Variants in TMEM74B observed in about 807,000 individuals in gnomAD.
TMEM74B encodes transmembrane protein C20orf46.
A neutral mutation model predicts 6.5 loss-of-function variants in TMEM74B; 7 were observed. The ratio of observed to expected loss-of-function variants is 1.07; its 90% CI spans 0.61 to 2.01. TMEM74B has a LOEUF of 2.01. Ranked by LOEUF, TMEM74B falls within the 30% of genes most tolerant of loss-of-function variation. The pLI is 0.00. For missense variants in TMEM74B, 342 were observed against 337.0 expected, an observed-to-expected ratio of 1.01 and a Z score of -0.12; for synonymous variants, 151 against 151.6, an observed-to-expected ratio of 1.00 and a Z score of 0.03.
At chr20:1,188,528 A>G (rs2087045501), upstream of TMEM74B, among the ~76,000 whole-genome samples, 1 of 150,390 alleles carries the variant, frequency 6.6e-6, no homozygotes, top group Non-Finnish European at 1.5e-5. Flanking sequence ...CACTCTACAC[A>G]CACACTACAC....
rs186642678 is a variant in TMEM74B, at chr20:1,180,945, A to G, written c.674T>C (p.Leu225Pro). 6.2e-7 allele frequency: 1 copy of G among 1,614,018 alleles called. No homozygotes were observed. Among genetic ancestry groups the G allele is most frequent in the Non-Finnish European group, 8.5e-7 (1 of 1,179,976 alleles). ...GSRKTYGSIN[L>P]RMRQLNGDGG... ...ATCCCCATTGAGCTGTCTCATGCGC[A>G]GGTTAATGGAGCCGTAGGTCTTCCT... is the stretch of plus-strand genomic sequence containing the variant. The change falls in exon 3 of 3, where the codon CTG becomes CCG. Residue 225 changes from leucine to proline, a missense_variant. Physicochemically the swap from Leu to Pro is moderately conservative, Grantham distance 98 (BLOSUM62 -3). Transcript: ENST00000429036. This position sits in a 1 kb window ranked among gnomAD's most constrained non-coding sequence, Gnocchi z 6.1.
chr20:1,181,040 C>G lies in TMEM74B; in HGVS notation c.579G>C (p.Val193=), dbSNP rs1379647061. 1.2e-6 allele frequency: 2 copies of G among 1,613,524 alleles called. No homozygotes were observed. Among genetic ancestry groups the G allele is most frequent in the South Asian group, 2.2e-5 (2 of 91,020 alleles). ...LLTVGGMLLS[V]LLMVSLCKGE... ...CCTTGCACAGGGAGACCATGAGCAGCACCGACAAGAGCATGCCGCCCACCG... is the reference window on the plus strand; with the variant it reads ...CCTTGCACAGGGAGACCATGAGCAGGACCGACAAGAGCATGCCGCCCACCG... The change falls in exon 3 of 3, where the codon GTG becomes GTC. Residue 193 remains valine, a synonymous_variant. Transcript: ENST00000429036. The surrounding 1 kb of genome is among the most constrained non-coding windows in gnomAD (Gnocchi z 4.9).
At chr20:1,185,651 G>C (rs536724555), upstream of TMEM74B, among the ~76,000 whole-genome samples, 2 of 151,964 alleles carry the variant, frequency 1.3e-5, no homozygotes, top group South Asian at 4.1e-4. Flanking sequence ...CTGGATCGCC[G>C]GCGCCTGGGC....
In TMEM74B at chr20:1,181,485, C is replaced by G. The variant is rs267605836; in HGVS notation, c.134G>C (p.Arg45Thr). The G allele has an allele frequency of 4.0e-6, 6 of 1,509,436 alleles. No homozygotes were observed. The East Asian group carries it at 1.4e-4, about 35-fold the overall frequency. 93.5% of individuals were successfully genotyped at this position (1,509,436 alleles called of 1,614,324 possible). A position where few individuals can be genotyped will look rare whatever the true frequency, so the allele number is the denominator to read the frequency against. The change falls in exon 3 of 3, where the codon AGA (arginine) becomes ACA (threonine). Residue 45 changes from arginine (R) to threonine (T), a missense_variant. By Grantham distance (71) the Arg-to-Thr change is moderately conservative. Coordinates refer to ENST00000429036, the MANE Select transcript of TMEM74B (RefSeq NM_001304748.2). This position sits in a 1 kb window ranked among gnomAD's most constrained non-coding sequence, Gnocchi z 4.9. ...GGCCACTGGGCCCAGGGGAGCTGATCTCCTTGGGGCTTGGGGACCATTGCT... is the reference window on the plus strand; with the variant it reads ...GGCCACTGGGCCCAGGGGAGCTGATGTCCTTGGGGCTTGGGGACCATTGCT... ...TLSNGPQAPRRSAPLGPVAPT... is the reference protein window; with the variant it reads ...TLSNGPQAPRTSAPLGPVAPT...
In TMEM74B at chr20:1,184,465, T is replaced by A. The variant is rs2086961785; in HGVS notation, c.-311A>T. 1 of 152,292 alleles carries A rather than the reference T, an allele frequency of 6.6e-6. No individual in the cohort carries two copies. Among genetic ancestry groups the A allele is most frequent in the Admixed American group, 6.6e-5 (1 of 15,252 alleles). 9.4% of individuals were successfully genotyped at this position (152,292 alleles called of 1,614,324 possible). A position where few individuals can be genotyped will look rare whatever the true frequency, so the allele number is the denominator to read the frequency against. ...ACGACCCCACCAGTTACTAATTTCA[T>A]CTGCAGTCAGACAGGTCCTGAAAGG... is the stretch of plus-strand genomic sequence containing the variant. On this transcript the variant is annotated 5_prime_UTR_variant, in exon 1 of 3. The change abolishes an upstream ATG in the 5' untranslated region. Coordinates refer to ENST00000429036, the MANE Select transcript of TMEM74B (RefSeq NM_001304748.2). This position sits in a 1 kb window ranked among gnomAD's most constrained non-coding sequence, Gnocchi z 6.0.
At chr20:1,183,688 G>A (rs1952445991) in intron 2 of TMEM74B, 83 bp downstream of exon 2, 6 of 1,517,320 alleles carry the variant, frequency 4.0e-6, no homozygotes, top group Non-Finnish European at 5.5e-6. Context: ...CATAAAACAT[G>A]GCCAAGATCC....
chr20:1,187,611 A>G (rs535406877), upstream of TMEM74B, among the ~76,000 whole-genome samples: 1 of 152,346 alleles, frequency 6.6e-6, no homozygotes, highest in Non-Finnish European at 1.5e-5. Context: ...CTTCCTGTAA[A>G]AGTGTGGACT....
chr20:1,189,202 C>G (rs2087050369), upstream of TMEM74B: 1 of 152,162 alleles, frequency 6.6e-6, no homozygotes, highest in African/African-American at 2.4e-5. This position sits in a 1 kb window ranked among gnomAD's most constrained non-coding sequence, Gnocchi z 4.5. Context: ...AAACATCAGA[C>G]AAATCCCAAT....
Position 1,180,891 on chromosome 20 carries a change from ACTT to A in TMEM74B, c.725_727del (p.Glu242del), listed in dbSNP as rs1354509691. ...GTGGCTAGTCTCTGAGACCTGGACA[ACTT>A]CATTCTCCACCAGGGCCTGGCCCCC... is the stretch of plus-strand genomic sequence containing the variant. On this transcript the variant is annotated inframe_deletion, in exon 3 of 3. Transcript: ENST00000429036. The surrounding 1 kb of genome is among the most constrained non-coding windows in gnomAD (Gnocchi z 6.1). 6.2e-7 allele frequency: 1 copy of A among 1,610,224 alleles called. No individual in the cohort carries two copies. The highest frequency in any genetic ancestry group is 8.5e-7 in the Non-Finnish European group (1 of 1,177,712).
Position 1,180,585 on chromosome 20 carries a change from T to A in TMEM74B, c.*263A>T, listed in dbSNP as rs1026375333. On this transcript the variant is annotated 3_prime_UTR_variant, in exon 3 of 3. Coordinates refer to ENST00000429036, the MANE Select transcript of TMEM74B (RefSeq NM_001304748.2). This position sits in a 1 kb window ranked among gnomAD's most constrained non-coding sequence, Gnocchi z 6.1. ...CTCCAAGAGCAGCGGTTTCCAAACT[T>A]TTGTATTTTTAGCAGCAGAAGCCAT... 1.3e-5 allele frequency: 5 copies of A among 383,896 alleles called. No individual in the cohort carries two copies. Among genetic ancestry groups the A allele is most frequent in the African/African-American group, 4.1e-5 (2 of 48,204 alleles). 23.8% of individuals were successfully genotyped at this position (383,896 alleles called of 1,614,324 possible). A position where few individuals can be genotyped will look rare whatever the true frequency, so the allele number is the denominator to read the frequency against.
chr20:1,181,177 G>C lies in TMEM74B; in HGVS notation c.442C>G (p.Arg148Gly), dbSNP rs146222873. ...GCTGTCACTGTGTCCGGATTGACTC[G>C]AGCCTCACGGGGGATGGCGTATGCT... is the stretch of plus-strand genomic sequence containing the variant. Reference protein sequence around the residue: ...VTAYAIPREARVNPDTVTARE... With the variant: ...VTAYAIPREAGVNPDTVTARE... The change falls in exon 3 of 3, where the codon CGA becomes GGA. Residue 148 changes from arginine (R) to glycine (G), a missense_variant. Arg to Gly is a moderately radical substitution (Grantham distance 125). Coordinates refer to ENST00000429036, the MANE Select transcript of TMEM74B (RefSeq NM_001304748.2). The surrounding 1 kb of genome is among the most constrained non-coding windows in gnomAD (Gnocchi z 4.9). 2 of 1,614,120 alleles carry C rather than the reference G, an allele frequency of 1.2e-6. No individual in the cohort carries two copies. Among genetic ancestry groups the C allele is most frequent in the African/African-American group, 1.3e-5 (1 of 75,008 alleles).
intron 2 of TMEM74B, among the ~76,000 whole-genome samples, chr20:1,182,276 CAGA>C (rs2086892442): frequency 6.6e-6 from 1 of 151,928 alleles, no homozygotes; most frequent in Non-Finnish European, 1.5e-5. Context: ...AGCCAGATCT[CAGA>C]AGATGAATTG....
chr20:1,181,436 A>G lies in TMEM74B; in HGVS notation c.183T>C (p.Asn61=), dbSNP rs1321650755. 16 of 1,518,108 alleles carry G rather than the reference A, an allele frequency of 1.1e-5. No individual in the cohort carries two copies. In the East Asian group the frequency reaches 3.6e-4, roughly 35 times the overall value. 94.0% of individuals were successfully genotyped at this position (1,518,108 alleles called of 1,614,324 possible). A position where few individuals can be genotyped will look rare whatever the true frequency, so the allele number is the denominator to read the frequency against. ...CATGCTCCTCTGAGGAGAAGCAGGC[A>G]TTCTCCACACCCTCCCTGGTTGGGG... The part of the protein sequence containing the change: ...PVAPTREGVE[N]ACFSSEEHET... The change falls in exon 3 of 3, where the codon AAT becomes AAC. Residue 61 remains asparagine (N), a synonymous_variant. Transcript: ENST00000429036. The surrounding 1 kb of genome is among the most constrained non-coding windows in gnomAD (Gnocchi z 4.9).
chr20:1,188,548 A>ACATACCACATGCACCACACACACCACACG (rs2087045763), upstream of TMEM74B, among the ~76,000 whole-genome samples: 1 of 150,618 alleles, frequency 6.6e-6, no homozygotes. Context: ...CACACCACAC[A>ACATACCACATGCACCACACACACCACACG]CATACCACAT....
chr20:1,181,559 C>A lies in TMEM74B; in HGVS notation c.60G>T (p.Gly20=). 2 of 1,471,072 alleles carry A rather than the reference C, an allele frequency of 1.4e-6. No individual in the cohort carries two copies. The highest frequency in any genetic ancestry group is 2.5e-5 in the East Asian group (1 of 40,598). 91.1% of individuals were successfully genotyped at this position (1,471,072 alleles called of 1,614,324 possible). A position where few individuals can be genotyped will look rare whatever the true frequency, so the allele number is the denominator to read the frequency against. ...GGGGAGATGCCATTGGGAAGGAGGG[C>A]CCCAGCTCATCCCTTGGCCCCTTGG... is the stretch of plus-strand genomic sequence containing the variant. ...AAAKGPRDEL[G]PSFPMASPPG... Residue 20 remains glycine (G), a synonymous_variant, in exon 3 of 3, where the codon GGG becomes GGT. Transcript: ENST00000429036. This position sits in a 1 kb window ranked among gnomAD's most constrained non-coding sequence, Gnocchi z 4.9.
chr20:1,184,050 C>T lies in TMEM74B; in HGVS notation c.-147-102G>A, dbSNP rs1287949752. ...TGAGTGCCCAGCCACAAACAGGGAC[C>T]AGCAGTGGGTGCCACATGGGTGCTC... On this transcript the variant is annotated intron_variant, in intron 1 of 2. Transcript: ENST00000429036. This position sits in a 1 kb window ranked among gnomAD's most constrained non-coding sequence, Gnocchi z 6.0. 4.1e-6 allele frequency: 2 copies of T among 490,646 alleles called. No homozygotes were observed. The highest frequency in any genetic ancestry group is 7.4e-6 in the Non-Finnish European group (2 of 272,052). 30.4% of individuals were successfully genotyped at this position (490,646 alleles called of 1,614,324 possible).
In TMEM74B at chr20:1,184,286, T is replaced by C. The variant is rs6033035; in HGVS notation, c.-148+16A>G. 0.038 allele frequency: 5,773 copies of C among 153,764 alleles called. 335 individuals are homozygous for C. Among genetic ancestry groups the C allele is most frequent in the African/African-American group, 0.13 (5,241 of 41,468 alleles). The allele number at this position is 153,764 out of a possible 1,614,324, so 9.5% of individuals were successfully genotyped here. ...GCCACAGTGAGAGGGCAGAGAAAAA[T>C]GAGGATTCCTCTCACCCAGAGTTAG... On this transcript the variant is annotated intron_variant, in intron 1 of 2. Coordinates refer to ENST00000429036, the MANE Select transcript of TMEM74B (RefSeq NM_001304748.2). This position sits in a 1 kb window ranked among gnomAD's most constrained non-coding sequence, Gnocchi z 6.0.
chr20:1,181,266 G>C lies in TMEM74B; in HGVS notation c.353C>G (p.Pro118Arg). ...EGPALEPVSR[P>R]VDYGFVSALV... The stretch of plus-strand genomic sequence containing the variant: ...GGCGGAAACAAAGCCATAATCCACC[G>C]GGCGGCTCACGGGCTCCAGGGCTGG... Residue 118 changes from proline to arginine, a missense_variant, in exon 3 of 3, where the codon CCG becomes CGG. Transcript: ENST00000429036. This position sits in a 1 kb window ranked among gnomAD's most constrained non-coding sequence, Gnocchi z 4.9. The C allele has an allele frequency of 1.9e-6, 3 of 1,613,914 alleles. No homozygotes were observed. Among genetic ancestry groups the C allele is most frequent in the Middle Eastern group, 1.7e-4 (1 of 6,060 alleles).
At position 1,180,706 on chromosome 20, in the gene TMEM74B, C is replaced by G. The variant is rs932328305; in HGVS notation, c.*142G>C. The G allele has an allele frequency of 4.0e-6, 5 of 1,240,660 alleles. No homozygotes were observed. The highest frequency in any genetic ancestry group is 5.4e-6 in the Non-Finnish European group (5 of 924,574). The allele number at this position is 1,240,660 out of a possible 1,614,324, so 76.9% of individuals were successfully genotyped here. On this transcript the variant is annotated 3_prime_UTR_variant, in exon 3 of 3. Coordinates refer to ENST00000429036, the MANE Select transcript of TMEM74B (RefSeq NM_001304748.2). This position sits in a 1 kb window ranked among gnomAD's most constrained non-coding sequence, Gnocchi z 6.1. ...ATGGGCTGGGCCCCGAGCTCTCCCT[C>G]CAGCACCCAGTACTTCTTCCACAAG...
Sources: allele counts gnomAD v4.1 joint callset (sites outside exome capture counted in the v4.1 genomes callset), GRCh38; gene constraint gnomAD v4.1.1; non-coding constraint Gnocchi (gnomAD v3.1); transcripts MANE v1.5; gene names NCBI Gene and HGNC (gene_info 2026-07-23, HGNC 2026-07-21).